Variants in ACSBG2 observed in about 807,000 individuals in gnomAD.
ACSBG2 encodes the protein long-chain-fatty-acid--CoA ligase ACSBG2.
In ACSBG2, 62 loss-of-function variants were observed where a neutral mutation model predicts 74.7. That is an observed-to-expected ratio of 0.83 (90% confidence interval 0.68 to 1.03). The LOEUF (loss-of-function observed/expected upper bound fraction) is 1.03. ACSBG2 is among the 50% of genes least tolerant of loss of function. ACSBG2 has a pLI of 0.00. For missense variants in ACSBG2, 730 were observed against 817.6 expected, an observed-to-expected ratio of 0.89 and a Z score of 1.31; for synonymous variants, 309 against 294.1, an observed-to-expected ratio of 1.05 and a Z score of -0.52.
chr19:6,140,342 C>T (rs1031201573), intron 1 of ACSBG2, among the ~76,000 whole-genome samples: 1 of 151,916 alleles, frequency 6.6e-6, no homozygotes, highest in African/African-American at 2.4e-5. Flanking sequence ...ATGCAAAAAC[C>T]CAGGGTAGCC....
intron 1 of ACSBG2, among the ~76,000 whole-genome samples, chr19:6,140,978 C>A (rs2088805921): frequency 6.6e-6 from 1 of 152,034 alleles, no homozygotes. Flanking sequence ...CTGATTAATT[C>A]CTCAGGGTTC....
intron 5 of ACSBG2, among the ~76,000 whole-genome samples, chr19:6,156,964 C>T (rs918263752): frequency 1.3e-5 from 2 of 150,116 alleles, no homozygotes; most frequent in South Asian, 2.1e-4. Flanking sequence ...TTTTTTTTTC[C>T]GAGACAGAGT....
At chr19:6,176,459 C>G in intron 7 of ACSBG2, 1 of 1,346,296 alleles carries the variant, frequency 7.4e-7, no homozygotes, top group Non-Finnish European at 1.0e-6. Context: ...ACATAAGGGA[C>G]AATCCAAGGT....
At chr19:6,175,918 C>G (rs2090076615) in intron 7 of ACSBG2, 1 of 155,752 alleles carries the variant, frequency 6.4e-6, no homozygotes, top group Admixed American at 6.5e-5. Flanking sequence ...AAAGAAGAGG[C>G]AATAAAAGCC....
chr19:6,138,847 C>T (rs2088705542), intron 1 of ACSBG2, among the ~76,000 whole-genome samples: 1 of 151,984 alleles, frequency 6.6e-6, no homozygotes, highest in Non-Finnish European at 1.5e-5. Context: ...GGAAGCAAGT[C>T]AAAGGTGAAT....
intron 7 of ACSBG2, among the ~76,000 whole-genome samples, chr19:6,167,104 A>G (rs1424567703): frequency 7.2e-5 from 11 of 152,152 alleles, no homozygotes; most frequent in Non-Finnish European, 1.5e-5. Context: ...GGTGCATGCA[A>G]TCACACCTGG....
chr19:6,150,294 C>G (rs928086168), intron 3 of ACSBG2, among the ~76,000 whole-genome samples: 5 of 133,318 alleles, frequency 3.8e-5, no homozygotes, highest in African/African-American at 1.4e-4. Context: ...AAAATGTAAA[C>G]AGAGAATTGC....
chr19:6,179,031 T>C (rs2145214855), intron 8 of ACSBG2, among the ~76,000 whole-genome samples: 1 of 152,290 alleles, frequency 6.6e-6, no homozygotes, highest in South Asian at 2.1e-4. Flanking sequence ...ATAGGGAGCA[T>C]AACTTCCCAG....
In ACSBG2 at chr19:6,187,612, A is replaced by C; in HGVS notation, c.1694A>C (p.Gln565Pro). Residue 565 changes from glutamine to proline, a missense_variant, in exon 13 of 15, where the codon CAG becomes CCG. Coordinates refer to ENST00000588485, the MANE Select transcript of ACSBG2 (RefSeq NM_030924.5). ...GTCTGGGGGCAGTGTGAGATGAATC[A>C]GATGAGCGGAGAACCTCTGGACAAG... ...MLLTLKCEMNQMSGEPLDKLN... is the reference protein window; with the variant it reads ...MLLTLKCEMNPMSGEPLDKLN... 1.2e-6 allele frequency: 2 copies of C among 1,614,140 alleles called. No homozygotes were observed. Among genetic ancestry groups the C allele is most frequent in the Non-Finnish European group, 1.7e-6 (2 of 1,180,040 alleles).
chr19:6,161,511 G>A, intron 6 of ACSBG2: 1 of 482,452 alleles, frequency 2.1e-6, no homozygotes, highest in South Asian at 2.5e-5. Flanking sequence ...CCTTTCAAAG[G>A]ACGTGAAATG....
rs1343519313 is a variant in ACSBG2 at position 6,190,661 on chromosome 19, C to T, written c.*4C>T. 3 of 1,613,676 alleles carry T rather than the reference C, an allele frequency of 1.9e-6. No homozygotes were observed. The Admixed American group carries it at 5.0e-5, about 27-fold the overall frequency. On this transcript the variant is annotated 3_prime_UTR_variant, in exon 14 of 15. Transcript: ENST00000588485. ...AATTGATCACATGTACCACTGACTG[C>T]TTTGATGGAGCTGCTCTCAGCTGTT...
chr19:6,164,139 G>C (rs2089720836), intron 6 of ACSBG2, among the ~76,000 whole-genome samples: 1 of 152,160 alleles, frequency 6.6e-6, no homozygotes, highest in Non-Finnish European at 1.5e-5. Context: ...TCCAAGACAG[G>C]GGATTGGATT....
At chr19:6,191,241 G>GT (rs772147117) in intron 14 of ACSBG2, 1,617 of 143,220 alleles carry the variant, frequency 0.011, 9 homozygotes, top group Non-Finnish European at 0.015. Flanking sequence ...TTATTGAGGT[G>GT]TTTTTTTTTT....
At chr19:6,169,611 T>C (rs1039169261) in intron 7 of ACSBG2, among the ~76,000 whole-genome samples, 8 of 152,214 alleles carry the variant, frequency 5.3e-5, no homozygotes, top group Non-Finnish European at 1.2e-4. Context: ...TATATAATTA[T>C]GTGAAAAATC....
chr19:6,173,671 T>C (rs2090021138), intron 7 of ACSBG2, among the ~76,000 whole-genome samples: 1 of 152,156 alleles, frequency 6.6e-6, no homozygotes. Context: ...CCATTTTCAG[T>C]TCAAAACTTA....
Position 6,161,277 on chromosome 19 carries a change from G to A in ACSBG2, c.570G>A (p.Lys190=). The change falls in exon 6 of 15, where the codon AAG becomes AAA. Residue 190 remains lysine, a synonymous_variant. Coordinates refer to ENST00000588485, the MANE Select transcript of ACSBG2 (RefSeq NM_030924.5). ...AIIQYRLPMK[K]NNNLYSWDDF... ...TCCAGTACAGACTGCCAATGAAGAAGAACAACAACTTGTACTCTGTAAGTG... is the reference window on the plus strand; with the variant it reads ...TCCAGTACAGACTGCCAATGAAGAAAAACAACAACTTGTACTCTGTAAGTG... The A allele has an allele frequency of 1.2e-6, 2 of 1,610,090 alleles. No homozygotes were observed. Among genetic ancestry groups the A allele is most frequent in the Non-Finnish European group, 1.7e-6 (2 of 1,177,816 alleles).
At chr19:6,168,350 TC>T (rs1368794686) in intron 7 of ACSBG2, among the ~76,000 whole-genome samples, 1 of 152,172 alleles carries the variant, frequency 6.6e-6, no homozygotes, top group African/African-American at 2.4e-5. Flanking sequence ...AGTGAAGCCC[TC>T]CCTAACTTCC....
chr19:6,170,034 A>T (rs2145170623), intron 7 of ACSBG2, among the ~76,000 whole-genome samples: 1 of 152,196 alleles, frequency 6.6e-6, no homozygotes, highest in South Asian at 2.1e-4. Context: ...AGATAATTTG[A>T]CTTCCTCTGT....
chr19:6,164,432 G>T (rs1407850943), intron 6 of ACSBG2, among the ~76,000 whole-genome samples: 2 of 143,400 alleles, frequency 1.4e-5, no homozygotes, highest in African/African-American at 5.4e-5. Context: ...ACTTTGAGGG[G>T]CCTTTTTTTT....
Sources: gnomAD v4.1 joint callset for allele counts (sites outside exome capture counted in the v4.1 genomes callset) on GRCh38, gnomAD v4.1.1 for gene constraint, MANE v1.5 for transcripts, NCBI Gene and HGNC (gene_info 2026-07-23, HGNC 2026-07-21) for gene names.